AATF: variants seen among roughly 807,000 people sequenced by gnomAD.
AATF encodes apoptosis antagonizing transcription factor.
AATF carries 48 observed loss-of-function variants against 63.7 expected under a neutral mutation model. The observed-to-expected ratio is 0.75, with a 90% CI of 0.60 to 0.96. The LOEUF (loss-of-function observed/expected upper bound fraction) is 0.96. Ranked by LOEUF, AATF falls within the 40% of genes least tolerant of loss-of-function variation. The pLI, the probability that AATF is intolerant of heterozygous loss-of-function variation, is 0.00. For missense variants in AATF, 639 were observed against 685.7 expected (o/e 0.93, Z 0.76); for synonymous variants, 258 against 247.7 (o/e 1.04, Z -0.39).
At chr17:37,026,417 C>T (rs958395707) in intron 10 of AATF, among the ~76,000 whole-genome samples, 4 of 152,166 alleles carry the variant, frequency 2.6e-5, no homozygotes, top group East Asian at 1.9e-4. Flanking sequence ...ATAGCAATAG[C>T]GTAAGAACTA....
At chr17:37,012,551 G>A (rs1029707064) in intron 8 of AATF, among the ~76,000 whole-genome samples, 4 of 152,198 alleles carry the variant, frequency 2.6e-5, no homozygotes, top group African/African-American at 9.7e-5. Flanking sequence ...GACTCAGCTA[G>A]GCTAAGTAAG....
chr17:37,041,507 T>C (rs2071639597), intron 11 of AATF, among the ~76,000 whole-genome samples: 1 of 152,182 alleles, frequency 6.6e-6, no homozygotes, highest in African/African-American at 2.4e-5. Context: ...AGCTCTTTTT[T>C]CTTTTTCTTT....
At chr17:37,036,290 G>A (rs60523101) in intron 11 of AATF, among the ~76,000 whole-genome samples, 1 of 152,094 alleles carries the variant, frequency 6.6e-6, no homozygotes, top group South Asian at 2.1e-4. Flanking sequence ...TTTTGGTGGG[G>A]TGTCCAGTTG....
chr17:36,957,269 G>A (rs2070909480), intron 4 of AATF, among the ~76,000 whole-genome samples: 1 of 152,144 alleles, frequency 6.6e-6, no homozygotes, highest in South Asian at 2.1e-4. Context: ...TGGTTGTGAG[G>A]ATTAAAGGAC....
At chr17:37,040,865 C>T (rs908777896) in intron 11 of AATF, among the ~76,000 whole-genome samples, 5 of 152,124 alleles carry the variant, frequency 3.3e-5, no homozygotes, top group African/African-American at 1.2e-4. Flanking sequence ...TATGTTATAT[C>T]ATTCTGGTTA....
At chr17:36,955,013 T>C (rs914443740) in intron 4 of AATF, among the ~76,000 whole-genome samples, 1 of 152,152 alleles carries the variant, frequency 6.6e-6, no homozygotes, top group Non-Finnish European at 1.5e-5. Flanking sequence ...TCTCTATATA[T>C]ATATTTGGGA....
At chr17:36,991,609 G>A (rs1238108208) in intron 8 of AATF, among the ~76,000 whole-genome samples, 1 of 137,386 alleles carries the variant, frequency 7.3e-6, no homozygotes, top group Non-Finnish European at 1.5e-5. Context: ...TTTTTGAGAT[G>A]GAGTCTCGCT....
intron 4 of AATF, among the ~76,000 whole-genome samples, chr17:36,985,103 T>C (rs2071157545): frequency 6.6e-6 from 1 of 152,098 alleles, no homozygotes; most frequent in Admixed American, 6.5e-5. Context: ...GGTTTCGCCA[T>C]GTTGGCCAGG....
chr17:37,017,175 T>A (rs1435597847), intron 8 of AATF, among the ~76,000 whole-genome samples: 1 of 152,188 alleles, frequency 6.6e-6, no homozygotes, highest in Non-Finnish European at 1.5e-5. Flanking sequence ...CCGGTGACCC[T>A]GATTGCCCAG....
rs185062093 is a variant in AATF at position 36,949,095 on chromosome 17, G to A, written c.-31G>A. The A allele has an allele frequency of 1.2e-5, 19 of 1,539,148 alleles. No homozygotes were observed. The East Asian group carries it at 3.8e-4, about 31-fold the overall frequency. ...GGGGTTGGGCCGCACATTTACGTGC[G>A]CGAAGCGGAGTGGACCGGGAGCTGG... On this transcript the variant is annotated 5_prime_UTR_variant, in exon 1 of 12. Transcript: ENST00000619387.
chr17:36,957,761 G>C (rs2070913959), intron 4 of AATF, among the ~76,000 whole-genome samples: 1 of 152,112 alleles, frequency 6.6e-6, no homozygotes, highest in African/African-American at 2.4e-5. Flanking sequence ...CCTGTCCTCA[G>C]GTTGCGTTTT....
intron 7 of AATF, among the ~76,000 whole-genome samples, chr17:36,990,335 G>C (rs1036419592): frequency 3.9e-5 from 6 of 152,076 alleles, no homozygotes; most frequent in Non-Finnish European, 5.9e-5. Context: ...GTTGTCTCCA[G>C]TTTCAGAAAC....
chr17:36,972,916 A>G (rs983003887), intron 4 of AATF, among the ~76,000 whole-genome samples: 1 of 152,130 alleles, frequency 6.6e-6, no homozygotes, highest in African/African-American at 2.4e-5. Context: ...GGTCTTGCTC[A>G]TTCAATTAAT....
At chr17:37,006,237 A>G (rs1597722552) in intron 8 of AATF, among the ~76,000 whole-genome samples, 1 of 152,224 alleles carries the variant, frequency 6.6e-6, no homozygotes, top group African/African-American at 2.4e-5. Context: ...TGGGAGGCCA[A>G]AGCGGGTGGA....
At position 36,989,387 on chromosome 17, in the gene AATF, C is replaced by G. The variant is rs1313826838; in HGVS notation, c.1290C>G (p.Val430=). Residue 430 remains valine (V), a synonymous_variant, in exon 7 of 12, where the codon GTC becomes GTG. Coordinates refer to ENST00000619387, the MANE Select transcript of AATF (RefSeq NM_012138.4). ...LGKPEPAAQP[V]PESLPGEPEI... ...AACCTGAGCCAGCAGCTCAGCCTGT[C>G]CCAGAGAGTTTGCCAGGGGAACCGG... 1 of 1,612,790 alleles carries G rather than the reference C, an allele frequency of 6.2e-7. No homozygotes were observed. The highest frequency in any genetic ancestry group is 1.3e-5 in the African/African-American group (1 of 74,884).
chr17:36,979,654 A>G (rs1168706280), intron 4 of AATF, among the ~76,000 whole-genome samples: 1 of 152,204 alleles, frequency 6.6e-6, no homozygotes, highest in Non-Finnish European at 1.5e-5. Flanking sequence ...TATTTATTTA[A>G]AAACAACTGT....
intron 4 of AATF, among the ~76,000 whole-genome samples, chr17:36,965,576 A>G (rs574981670): frequency 6.6e-6 from 1 of 152,312 alleles, no homozygotes; most frequent in South Asian, 2.1e-4. Context: ...TCAGCCTACT[A>G]TGTGCCTTAT....
intron 11 of AATF, among the ~76,000 whole-genome samples, chr17:37,036,745 A>G (rs1311884120): frequency 6.6e-6 from 1 of 152,124 alleles, no homozygotes; most frequent in Non-Finnish European, 1.5e-5. Flanking sequence ...TGGAAATCTT[A>G]TGCAACCCCT....
At chr17:37,043,876 T>C (rs991848129) in intron 11 of AATF, among the ~76,000 whole-genome samples, 14 of 152,150 alleles carry the variant, frequency 9.2e-5, no homozygotes, top group African/African-American at 3.4e-4. Context: ...AAATGTTCTT[T>C]TTAATTTTTT....
Sources: allele counts gnomAD v4.1 joint callset (sites outside exome capture counted in the v4.1 genomes callset), GRCh38; gene constraint gnomAD v4.1.1; transcripts MANE v1.5; gene names NCBI Gene and HGNC (gene_info 2026-07-23, HGNC 2026-07-21).